The following SYT1 variants were observed in gnomAD, a reference collection of about 807,000 sequenced individuals.
The protein encoded by SYT1 is synaptotagmin 1.
Under a neutral mutation model 44.8 loss-of-function variants are expected in SYT1, and 8 were observed. The ratio of observed to expected loss-of-function variants is 0.18; its 90% confidence interval spans 0.10 to 0.32. The LOEUF is 0.32. SYT1 is among the 10% of genes least tolerant of loss of function. SYT1 has a pLI of 1.00. For missense variants in SYT1, 286 were observed against 509.3 expected, an observed-to-expected ratio of 0.56 and a Z score of 4.22; for synonymous variants, 154 against 188.8, an observed-to-expected ratio of 0.82 and a Z score of 1.51.
intron 1 of SYT1, among the ~76,000 whole-genome samples, chr12:78,917,472 G>T: frequency 6.6e-6 from 1 of 152,004 alleles, no homozygotes; most frequent in East Asian, 1.9e-4. Flanking sequence ...GGGGTGAGGG[G>T]AGTGGAGAGG....
intron 10 of SYT1, among the ~76,000 whole-genome samples, chr12:79,444,779 G>A (rs1370131299): frequency 6.6e-6 from 1 of 151,996 alleles, no homozygotes; most frequent in African/African-American, 2.4e-5. Flanking sequence ...TAATTATGAA[G>A]GGAAATATTC....
At chr12:79,076,664 G>T (rs977200260) in intron 3 of SYT1, among the ~76,000 whole-genome samples, 1 of 152,074 alleles carries the variant, frequency 6.6e-6, no homozygotes, top group African/African-American at 2.4e-5. Context: ...GTTGAGGCAG[G>T]GTGCGGTGGC....
chr12:79,103,930 T>G (rs1329076688), intron 3 of SYT1, among the ~76,000 whole-genome samples: 1 of 152,142 alleles, frequency 6.6e-6, no homozygotes, highest in Non-Finnish European at 1.5e-5. Flanking sequence ...TTGATAGATA[T>G]TCCACATGCA....
intron 9 of SYT1, among the ~76,000 whole-genome samples, chr12:79,358,609 G>A (rs897449710): frequency 6.6e-6 from 1 of 152,144 alleles, no homozygotes; most frequent in African/African-American, 2.4e-5. Flanking sequence ...TTTGATCTCA[G>A]CTGATTTGAG....
chr12:79,270,400 G>T (rs1878358312), intron 4 of SYT1, among the ~76,000 whole-genome samples: 1 of 152,166 alleles, frequency 6.6e-6, no homozygotes, highest in Non-Finnish European at 1.5e-5. Context: ...GGTAGAAAAT[G>T]CTTGAAGTTA....
Position 79,258,420 on chromosome 12 carries a change from A to T in SYT1, c.167-27367A>T, listed in dbSNP as rs186535574. ...GAGTTCTTCCAAGGATAGAGTGTGT[A>T]AATGCTGACCTACATTAAATACAAG... is the stretch of plus-strand genomic sequence containing the variant. On this transcript the variant is annotated intron_variant, in intron 4 of 10. Transcript: ENST00000261205. 2.5e-3 allele frequency among the ~76,000 whole-genome samples: 382 copies of T among 152,316 alleles called. 1 individual carries two copies. Among genetic ancestry groups the T allele is most frequent in the Middle Eastern group, 0.024 (7 of 294 alleles).
At chr12:78,947,365 C>A (rs1218179928) in intron 1 of SYT1, among the ~76,000 whole-genome samples, 1 of 151,918 alleles carries the variant, frequency 6.6e-6, no homozygotes, top group African/African-American at 2.4e-5. Context: ...AGATTATGTG[C>A]GCATCGTGAC....
chr12:79,173,343 T>A (rs1330864270), intron 3 of SYT1, among the ~76,000 whole-genome samples: 8 of 152,046 alleles, frequency 5.3e-5, no homozygotes. Flanking sequence ...GAACCCTAAA[T>A]GTCCTGGACT....
In SYT1 at chr12:78,886,516, T is replaced by C. The variant is rs370324280; in HGVS notation, c.-217+21407T>C. On this transcript the variant is annotated intron_variant, in intron 1 of 10. Transcript: ENST00000261205. ...TTAATCATCACCTAAATGTTGCTTATTATAGACAAATACATAGCAACAAAT... is the reference window on the plus strand; with the variant it reads ...TTAATCATCACCTAAATGTTGCTTACTATAGACAAATACATAGCAACAAAT... 9.0e-4 allele frequency among the ~76,000 whole-genome samples: 137 copies of C among 152,134 alleles called. 4 individuals are homozygous for C. In the South Asian group the frequency reaches 0.028, roughly 31 times the overall value.
intron 4 of SYT1, among the ~76,000 whole-genome samples, chr12:79,273,740 T>A (rs1878559732): frequency 6.6e-6 from 1 of 152,102 alleles, no homozygotes; most frequent in African/African-American, 2.4e-5. Flanking sequence ...ACTCGTAAAA[T>A]CCTCCAAAAG....
intron 9 of SYT1, among the ~76,000 whole-genome samples, chr12:79,384,987 A>ATT (rs3067387): frequency 0.47 from 61,078 of 129,726 alleles, 17,609 homozygotes; most frequent in Non-Finnish European, 0.62. Flanking sequence ...GGACCACTGG[A>ATT]TTTTTTTTTT....
At chr12:79,105,313 C>T (rs1014442547) in intron 3 of SYT1, among the ~76,000 whole-genome samples, 1 of 152,126 alleles carries the variant, frequency 6.6e-6, no homozygotes, top group Non-Finnish European at 1.5e-5. Flanking sequence ...GGCTTAGCAA[C>T]GTGTCCAGCA....
At chr12:78,965,241 G>T (rs115747798) in intron 1 of SYT1, among the ~76,000 whole-genome samples, 46 of 152,240 alleles carry the variant, frequency 3.0e-4, no homozygotes, top group African/African-American at 1.1e-3. Context: ...TAAATATTGT[G>T]AGATGTTTTA....
chr12:78,895,250 GT>G lies in SYT1; in HGVS notation c.-217+30147del, dbSNP rs371630064. Among the ~76,000 whole-genome samples, 1,005 of 151,570 alleles carry G rather than the reference GT, an allele frequency of 6.6e-3. 8 individuals carry two copies. The highest frequency in any genetic ancestry group is 8.7e-3 in the Non-Finnish European group (587 of 67,702). Reference sequence around the variant, plus strand: ...ACAAAATGAGCAAAGATAAAAAAGTGTTTTTTCATAAAACTAATTTGTGACA... The same window carrying G: ...ACAAAATGAGCAAAGATAAAAAAGTGTTTTTCATAAAACTAATTTGTGACA... On this transcript the variant is annotated intron_variant, in intron 1 of 10. Transcript: ENST00000261205.
At chr12:79,051,396 T>TTA (rs997039496) in intron 3 of SYT1, among the ~76,000 whole-genome samples, 31 of 150,090 alleles carry the variant, frequency 2.1e-4, no homozygotes, top group African/African-American at 7.0e-4. Context: ...TTATTTATAT[T>TTA]TATATATATC....
chr12:79,084,545 C>T (rs1877253654), intron 3 of SYT1, among the ~76,000 whole-genome samples: 1 of 152,078 alleles, frequency 6.6e-6, no homozygotes, highest in Admixed American at 6.6e-5. Context: ...TGCACTCTTT[C>T]ACTTTTAGTG....
intron 3 of SYT1, among the ~76,000 whole-genome samples, chr12:79,102,431 C>A (rs1264012624): frequency 6.6e-6 from 1 of 152,150 alleles, no homozygotes. Context: ...CAAGGTCATT[C>A]CTAAGGGCCC....
intron 2 of SYT1, among the ~76,000 whole-genome samples, chr12:78,991,404 A>T (rs1870000711): frequency 6.6e-6 from 1 of 152,110 alleles, no homozygotes; most frequent in Admixed American, 6.6e-5. Flanking sequence ...GTAATAAAAC[A>T]TCATATCATG....
chr12:78,969,813 G>A (rs760095493), intron 1 of SYT1, among the ~76,000 whole-genome samples: 46 of 152,108 alleles, frequency 3.0e-4, no homozygotes, highest in Admixed American at 1.6e-3. Context: ...TGCATTTTGA[G>A]TATTGCATTT....
Sources: gnomAD v4.1 joint callset for allele counts (sites outside exome capture counted in the v4.1 genomes callset) on GRCh38, gnomAD v4.1.1 for gene constraint, MANE v1.5 for transcripts, NCBI Gene and HGNC (gene_info 2026-07-23, HGNC 2026-07-21) for gene names.